Variants in HECTD3 observed in about 807,000 individuals in gnomAD.
The protein encoded by HECTD3 is E3 ubiquitin-protein ligase HECTD3.
A neutral mutation model predicts 109.3 loss-of-function variants in HECTD3; 72 were observed. That is an observed-to-expected ratio of 0.66 (90% CI 0.54 to 0.80). The LOEUF (loss-of-function observed/expected upper bound fraction) is 0.80. Ranked by LOEUF, HECTD3 falls within the 30% of genes least tolerant of loss-of-function variation. The probability of loss-of-function intolerance (pLI) is 0.00; values close to 1 mark genes in which losing one functional copy is unlikely to be tolerated. For synonymous variants in HECTD3, 481 were observed against 471.8 expected, an observed-to-expected ratio of 1.02 and a Z score of -0.25; for missense variants, 1,041 against 1,165.2, an observed-to-expected ratio of 0.89 and a Z score of 1.55.
intron 1 of HECTD3, 67 bp from the exon 2 acceptor site, chr1:45,010,773 A>T: frequency 6.6e-7 from 1 of 1,510,320 alleles, no homozygotes; most frequent in Non-Finnish European, 8.8e-7. Flanking sequence ...TGCCCAGCCC[A>T]GGGCAAAGGG....
chr1:45,007,009 G>A lies in HECTD3; in HGVS notation c.1563C>T (p.Pro521=), dbSNP rs1206635565. ...KYEKPLDYRW[P]MRYDQWWECK... ...ACTCCCACCACTGGTCATAGCGCAT[G>A]GGCCACCTGCAAAAAACGTGGGCAG... is the stretch of plus-strand genomic sequence containing the variant. The change falls in exon 12 of 21, where the codon CCC becomes CCT. Residue 521 remains proline (P), a synonymous_variant. Transcript: ENST00000372172. 7 of 1,614,072 alleles carry A rather than the reference G, an allele frequency of 4.3e-6. No individual in the cohort carries two copies. Among genetic ancestry groups the A allele is most frequent in the Non-Finnish European group, 5.1e-6 (6 of 1,180,024 alleles).
rs952100208 is a variant in HECTD3 at position 45,006,747 on chromosome 1, G to A, written c.1670C>T (p.Pro557Leu). 1.2e-6 allele frequency: 2 copies of A among 1,613,722 alleles called. No homozygotes were observed. The highest frequency in any genetic ancestry group is 1.3e-5 in the African/African-American group (1 of 74,910). ...GGGCACGGGGGTATCCGCTGAGCTA[G>A]GGCACAGCTCTTCTGACATATCTGC... ...SLADMSEELC[P>L]SSADTPVPLP... is the part of the protein sequence containing the mutation. The change falls in exon 13 of 21, where the codon CCT becomes CTT. Residue 557 changes from proline to leucine, a missense_variant. Physicochemically the swap from Pro to Leu is moderately conservative, Grantham distance 98. Around this residue, in one of 2 missense-constraint regions of HECTD3, gnomAD observed 569 missense variants for 715.3 expected, o/e 0.80. Transcript: ENST00000372172. This position sits in a 1 kb window ranked among gnomAD's most constrained non-coding sequence, Gnocchi z 4.7.
rs547027155 is a variant in HECTD3, at chr1:45,006,920, G to C, written c.1621+31C>G. ...TACCACTTTGATAGGGCAGCAAGCA[G>C]GACCCTTGAGATCCTCCCTCAGGGC... is the stretch of plus-strand genomic sequence containing the variant. On this transcript the variant is annotated intron_variant, in intron 12 of 20. Transcript: ENST00000372172. The surrounding 1 kb of genome is among the most constrained non-coding windows in gnomAD (Gnocchi z 4.7). 1.6e-5 allele frequency: 26 copies of C among 1,610,276 alleles called. No individual in the cohort carries two copies. The Admixed American group carries it at 4.3e-4, about 27-fold the overall frequency.
rs1022393546 is a variant in HECTD3 at position 45,003,480 on chromosome 1, C to T, written c.*12G>A. ...CGTGCAGTCTTGCTGGTCCCACAGC[C>T]GGCGGCACGCCTCACTCCTCCCAAG... On this transcript the variant is annotated 3_prime_UTR_variant, in exon 21 of 21. Coordinates refer to ENST00000372172, the MANE Select transcript of HECTD3 (RefSeq NM_024602.6). This position sits in a 1 kb window ranked among gnomAD's most constrained non-coding sequence, Gnocchi z 4.7. The T allele has an allele frequency of 5.6e-6, 9 of 1,612,808 alleles. No individual in the cohort carries two copies. The highest frequency in any genetic ancestry group is 4.5e-5 in the East Asian group (2 of 44,880).
chr1:45,006,291 T>A lies in HECTD3; in HGVS notation c.1726-175A>T. 1 of 646,930 alleles carries A rather than the reference T, an allele frequency of 1.5e-6. No individual in the cohort carries two copies. Among genetic ancestry groups the A allele is most frequent in the Non-Finnish European group, 2.6e-6 (1 of 389,732 alleles). 40.1% of individuals were successfully genotyped at this position (646,930 alleles called of 1,614,324 possible). On this transcript the variant is annotated intron_variant, in intron 13 of 20. Coordinates refer to ENST00000372172, the MANE Select transcript of HECTD3 (RefSeq NM_024602.6). The surrounding 1 kb of genome is among the most constrained non-coding windows in gnomAD (Gnocchi z 4.7). Reference sequence around the variant, plus strand: ...AGGTTGCCCTGAGCAACTCAGTCCCTCCTCTGCCCTATTTCTATTTTTTTT... The same window carrying A: ...AGGTTGCCCTGAGCAACTCAGTCCCACCTCTGCCCTATTTCTATTTTTTTT...
In HECTD3 at chr1:45,008,660, A is replaced by G; in HGVS notation, c.1114T>C (p.Ser372Pro). 6.2e-7 allele frequency: 1 copy of G among 1,613,876 alleles called. No homozygotes were observed. Residue 372 changes from serine to proline, a missense_variant, in exon 8 of 21, where the codon TCA becomes CCA. Physicochemically the swap from Ser to Pro is moderately conservative, Grantham distance 74. Coordinates refer to ENST00000372172, the MANE Select transcript of HECTD3 (RefSeq NM_024602.6). ...DVRLRGVKIK[S>P]SRQRELGLNA... ...AACCCTAGTTCCCGCTGTCTAGATG[A>G]CTTGATCTTGACCCCTCGGAGACGA...
At chr1:45,009,767 G>A (rs944356966) in intron 4 of HECTD3, 84 bp from the exon 5 acceptor site, 1 of 1,219,584 alleles carries the variant, frequency 8.2e-7, no homozygotes. Context: ...GCACCAGAGA[G>A]AAAGCATAGT....
chr1:45,006,308 ATT>A lies in HECTD3; in HGVS notation c.1726-194_1726-193del, dbSNP rs144329171. On this transcript the variant is annotated intron_variant, in intron 13 of 20. Transcript: ENST00000372172. The surrounding 1 kb of genome is among the most constrained non-coding windows in gnomAD (Gnocchi z 4.7). Reference sequence around the variant, plus strand: ...TCAGTCCCTCCTCTGCCCTATTTCTATTTTTTTTTTTTTTTGAGACAGAGTCT... The same window carrying A: ...TCAGTCCCTCCTCTGCCCTATTTCTATTTTTTTTTTTTTGAGACAGAGTCT... 4.2e-3 allele frequency: 1,768 copies of A among 420,170 alleles called. No homozygotes were observed. The highest frequency in any genetic ancestry group is 8.0e-3 in the South Asian group (215 of 26,854). The allele number at this position is 420,170 out of a possible 1,614,324, so 26.0% of individuals were successfully genotyped here. A position where few individuals can be genotyped will look rare whatever the true frequency, so the allele number is the denominator to read the frequency against.
intron 15 of HECTD3, 81 bp downstream of exon 15, chr1:45,005,713 G>T (rs1294026775): frequency 8.1e-6 from 9 of 1,115,440 alleles, no homozygotes; most frequent in South Asian, 1.6e-5. Context: ...TGTGGTGAAA[G>T]AACAAGGTAC....
intron 9 of HECTD3, 125 bp downstream of exon 9, chr1:45,008,115 C>T (rs919320838): frequency 2.7e-5 from 19 of 710,784 alleles, no homozygotes; most frequent in Non-Finnish European, 3.8e-5. Flanking sequence ...TGGCTTTCTT[C>T]CTATGTTCCC....
At chr1:45,005,975 G>C in intron 14 of HECTD3, 22 bp downstream of exon 14, 1 of 1,612,444 alleles carries the variant, frequency 6.2e-7, no homozygotes, top group South Asian at 1.1e-5. Context: ...GATCGGACGG[G>C]GGTGTGGATA....
chr1:45,004,791 C>T lies in HECTD3; in HGVS notation c.1951G>A (p.Val651Met), dbSNP rs1569935588. ...GTCTCCTTGTCCATTCCTTCCATCA[C>T]TTCCAGGAGCTTCACCTAGGGGTTG... ...VDSVLVKLLE[V>M]MEGMDKETFE... The change falls in exon 16 of 21, where the codon GTG becomes ATG. Residue 651 changes from valine (V) to methionine (M), a missense_variant. Val to Met is a conservative substitution (Grantham distance 21, BLOSUM62 1). Coordinates refer to ENST00000372172, the MANE Select transcript of HECTD3 (RefSeq NM_024602.6). 2 of 1,614,224 alleles carry T rather than the reference C, an allele frequency of 1.2e-6. No homozygotes were observed. The highest frequency in any genetic ancestry group is 1.1e-5 in the South Asian group (1 of 91,088).
chr1:45,005,839 C>T lies in HECTD3; in HGVS notation c.1890G>A (p.Glu630=), dbSNP rs1192404020. 6.2e-7 allele frequency: 1 copy of T among 1,608,974 alleles called. No homozygotes were observed. The highest frequency in any genetic ancestry group is 8.5e-7 in the Non-Finnish European group (1 of 1,177,324). Reference sequence around the variant, plus strand: ...GGAAGTCCTTGCTCCAGCTCACCTCCTCACCAGAAAGCTGCTTCCACACAA... The same window carrying T: ...GGAAGTCCTTGCTCCAGCTCACCTCTTCACCAGAAAGCTGCTTCCACACAA... ...PGFVWKQLSG[E]EVSWSKDFPA... is the part of the protein sequence containing the mutation. Residue 630 remains glutamate (E), a synonymous_variant, in exon 15 of 21, where the codon GAG becomes GAA. Transcript: ENST00000372172.
rs553173986 is a variant in HECTD3, at chr1:45,008,510, G to C, written c.1238+26C>G. The C allele has an allele frequency of 5.6e-6, 9 of 1,607,668 alleles. No individual in the cohort carries two copies. In the Admixed American group the frequency reaches 1.2e-4, roughly 21 times the overall value. ...GGCTCAATGTTGGGGGAAGGGAAGGGCCCATAGGTCCAGGACCACAGCCAC... is the reference window on the plus strand; with the variant it reads ...GGCTCAATGTTGGGGGAAGGGAAGGCCCCATAGGTCCAGGACCACAGCCAC... On this transcript the variant is annotated intron_variant, in intron 8 of 20. Transcript: ENST00000372172.
In HECTD3 at chr1:45,006,637, C is replaced by T; in HGVS notation, c.1725+55G>A. The T allele has an allele frequency of 6.7e-7, 1 of 1,482,790 alleles. No individual in the cohort carries two copies. The highest frequency in any genetic ancestry group is 9.3e-7 in the Non-Finnish European group (1 of 1,074,522). 91.9% of individuals were successfully genotyped at this position (1,482,790 alleles called of 1,614,324 possible). On this transcript the variant is annotated intron_variant, in intron 13 of 20. Transcript: ENST00000372172. The surrounding 1 kb of genome is among the most constrained non-coding windows in gnomAD (Gnocchi z 4.7). ...TCAATCTGGCCCCCTCCTCTGCCCC[C>T]TTTCTAGCTCAATCTGGCACCTGGG...
At position 45,004,297 on chromosome 1, in the gene HECTD3, C is replaced by A. The variant is rs769166045; in HGVS notation, c.2223G>T (p.Lys741Asn). Reference sequence around the variant, plus strand: ...TGACCTCTGGATCCCCACACACTTTCTTCTCCAACTCTTGCCAGGTCAGCA... The same window carrying A: ...TGACCTCTGGATCCCCACACACTTTATTCTCCAACTCTTGCCAGGTCAGCA... ...LDLLTWQELE[K>N]KVCGDPEVTV... The change falls in exon 17 of 21, where the codon AAG becomes AAT. Residue 741 changes from lysine to asparagine, a missense_variant. Physicochemically the swap from Lys to Asn is moderately conservative, Grantham distance 94. Coordinates refer to ENST00000372172, the MANE Select transcript of HECTD3 (RefSeq NM_024602.6). The A allele has an allele frequency of 6.2e-6, 10 of 1,613,930 alleles. No individual in the cohort carries two copies. The Admixed American group carries it at 1.5e-4, about 24-fold the overall frequency.
chr1:45,005,960 G>C (rs759294723), intron 14 of HECTD3, 37 bp downstream of exon 14: 2 of 1,611,496 alleles, frequency 1.2e-6, no homozygotes, highest in Non-Finnish European at 1.7e-6. Flanking sequence ...CCAAGGGCCA[G>C]GGCTGATCGG....
intron 6 of HECTD3, 41 bp downstream of exon 6, chr1:45,009,328 T>C: frequency 1.9e-6 from 3 of 1,564,366 alleles, no homozygotes; most frequent in South Asian, 1.1e-5. Flanking sequence ...GGGCTAGGCT[T>C]GGAACATGCC....
In HECTD3 at chr1:45,006,186, G is replaced by A. The variant is rs538197869; in HGVS notation, c.1726-70C>T. On this transcript the variant is annotated intron_variant, in intron 13 of 20. Transcript: ENST00000372172. This position sits in a 1 kb window ranked among gnomAD's most constrained non-coding sequence, Gnocchi z 4.7. ...ATTTTCCTGGCCCAAAGACTTCCCT[G>A]AACATTTTCCACTGGGAACATTTTC... The A allele has an allele frequency of 8.2e-4, 1,278 of 1,562,688 alleles. 1 individual carries two copies. Among genetic ancestry groups the A allele is most frequent in the Admixed American group, 1.4e-3 (79 of 57,020 alleles).
Sources: gnomAD v4.1 joint callset for allele counts on GRCh38, gnomAD v4.1.1 for gene constraint, gnomAD v4.1.1 regional missense constraint, Gnocchi (gnomAD v3.1) non-coding constraint, MANE v1.5 for transcripts, NCBI Gene and HGNC (gene_info 2026-07-23, HGNC 2026-07-21) for gene names.